The following EPHB1 variants were observed in gnomAD, a reference collection of about 807,000 sequenced individuals.
The protein encoded by EPHB1 is ephrin type-B receptor 1.
EPHB1 carries 30 observed loss-of-function variants against 94.4 expected under a neutral mutation model. That is an observed-to-expected ratio of 0.32 (90% CI 0.24 to 0.43). The LOEUF (loss-of-function observed/expected upper bound fraction) is 0.43, where lower values mean the gene tolerates loss of function less well. Ranked by LOEUF, EPHB1 falls within the 20% of genes least tolerant of loss-of-function variation. The pLI is 1.00. For missense variants in EPHB1, 1,055 were observed against 1,308.3 expected (o/e 0.81, Z 2.99); for synonymous variants, 522 against 489.1 (o/e 1.07, Z -0.89).
At chr3:135,232,310 C>T (rs1318702940) in intron 12 of EPHB1, among the ~76,000 whole-genome samples, 1 of 152,234 alleles carries the variant, frequency 6.6e-6, no homozygotes, top group Non-Finnish European at 1.5e-5. Flanking sequence ...CACTTTAGAG[C>T]AGTGCAGTAG....
At position 135,260,089 on chromosome 3, in the gene EPHB1, G is replaced by T. The variant is rs1362462473; in HGVS notation, c.*969G>T. 4.3e-6 allele frequency: 1 copy of T among 233,024 alleles called. No homozygotes were observed. Among genetic ancestry groups the T allele is most frequent in the Non-Finnish European group, 8.5e-6 (1 of 117,698 alleles). 14.4% of individuals were successfully genotyped at this position (233,024 alleles called of 1,614,324 possible). On this transcript the variant is annotated 3_prime_UTR_variant, in exon 16 of 16. Transcript: ENST00000398015. ...AAATTCAGACAGGAAACAGGTGAGT[G>T]GTTTGAATTGGATGCAGTGTGGGCC...
Position 135,106,610 on chromosome 3 carries a change from G to A in EPHB1, c.961+7G>A, listed in dbSNP as rs1173879004. The A allele has an allele frequency of 1.2e-6, 2 of 1,613,836 alleles. No homozygotes were observed. Reference sequence around the variant, plus strand: ...CCAGAAGTGGCATGCACTAGTAAGTGTCTAGTAATGGCTCTGGGCTGGGGA... The same window carrying A: ...CCAGAAGTGGCATGCACTAGTAAGTATCTAGTAATGGCTCTGGGCTGGGGA... On this transcript the variant is annotated splice_region_variant and intron_variant, in intron 4 of 15. Transcript: ENST00000398015.
chr3:134,865,436 TCA>T, intron 1 of EPHB1, among the ~76,000 whole-genome samples: 1 of 152,258 alleles, frequency 6.6e-6, no homozygotes, highest in East Asian at 1.9e-4. Flanking sequence ...GCAATATCTA[TCA>T]AATTTACAAA....
In EPHB1 at chr3:135,259,837, C is replaced by G. The variant is rs960396588; in HGVS notation, c.*717C>G. 4.5e-6 allele frequency: 1 copy of G among 223,494 alleles called. No homozygotes were observed. Among genetic ancestry groups the G allele is most frequent in the Non-Finnish European group, 9.0e-6 (1 of 111,676 alleles). 13.8% of individuals were successfully genotyped at this position (223,494 alleles called of 1,614,324 possible). ...AAAAAAAAAGAAGAAAAACCTGTTTCCGTGTGCAAAAGCACACATATGTAT... is the reference window on the plus strand; with the variant it reads ...AAAAAAAAAGAAGAAAAACCTGTTTGCGTGTGCAAAAGCACACATATGTAT... On this transcript the variant is annotated 3_prime_UTR_variant, in exon 16 of 16. Transcript: ENST00000398015.
chr3:135,003,037 T>C (rs1935243869), intron 3 of EPHB1, among the ~76,000 whole-genome samples: 2 of 152,250 alleles, frequency 1.3e-5, no homozygotes, highest in Admixed American at 1.3e-4. Context: ...TCTAGCTCTT[T>C]TAATTGTGAT....
intron 1 of EPHB1, among the ~76,000 whole-genome samples, chr3:134,874,212 T>C (rs2037566754): frequency 6.6e-6 from 1 of 152,240 alleles, no homozygotes; most frequent in Non-Finnish European, 1.5e-5. Flanking sequence ...TCATGTCCTT[T>C]GTAGGGACAT....
intron 3 of EPHB1, among the ~76,000 whole-genome samples, chr3:134,970,600 G>A (rs938888116): frequency 1.3e-5 from 2 of 152,182 alleles, no homozygotes; most frequent in South Asian, 4.1e-4. Context: ...GTGTATGTGT[G>A]TGTGTATGTA....
At chr3:135,011,402 C>G (rs1935616108) in intron 3 of EPHB1, among the ~76,000 whole-genome samples, 1 of 152,146 alleles carries the variant, frequency 6.6e-6, no homozygotes, top group Admixed American at 6.5e-5. Context: ...ATGGCAGTTC[C>G]AAGACTTTAA....
intron 1 of EPHB1, among the ~76,000 whole-genome samples, chr3:134,822,610 A>C (rs1042835925): frequency 6.6e-6 from 1 of 152,076 alleles, no homozygotes; most frequent in Admixed American, 6.5e-5. Flanking sequence ...AGCAAAGACC[A>C]CTCCAAGCCC....
chr3:134,925,079 C>T (rs2038763028), intron 1 of EPHB1, among the ~76,000 whole-genome samples: 1 of 152,220 alleles, frequency 6.6e-6, no homozygotes, highest in African/African-American at 2.4e-5. Context: ...CCTGACGGCT[C>T]CTAGGAGCTC....
At chr3:135,215,042 C>T (rs1163993053) in intron 12 of EPHB1, among the ~76,000 whole-genome samples, 2 of 152,204 alleles carry the variant, frequency 1.3e-5, no homozygotes, top group East Asian at 1.9e-4. Context: ...CATGCTAGGA[C>T]AAGTTCCGTC....
chr3:135,035,573 G>A (rs1454715000), intron 3 of EPHB1, among the ~76,000 whole-genome samples: 2 of 152,246 alleles, frequency 1.3e-5, no homozygotes, highest in East Asian at 3.9e-4. Flanking sequence ...CTGAAATCTA[G>A]CGTGTTCTGT....
At chr3:135,004,163 A>G (rs1243563720) in intron 3 of EPHB1, among the ~76,000 whole-genome samples, 1 of 151,506 alleles carries the variant, frequency 6.6e-6, no homozygotes, top group Non-Finnish European at 1.5e-5. Flanking sequence ...GGTGGTGACA[A>G]AATCTCTCAG....
chr3:135,253,646 T>G (rs1416791001), intron 15 of EPHB1, among the ~76,000 whole-genome samples: 21 of 145,406 alleles, frequency 1.4e-4, no homozygotes, highest in African/African-American at 5.4e-4. Flanking sequence ...TCAGGTAGTG[T>G]GATGCCTCCA....
chr3:134,814,008 C>G (rs2036222546), intron 1 of EPHB1, among the ~76,000 whole-genome samples: 1 of 152,180 alleles, frequency 6.6e-6, no homozygotes, highest in Non-Finnish European at 1.5e-5. Flanking sequence ...TGAGGGCCCC[C>G]AGAGTCTACC....
chr3:135,135,829 C>G (rs997867761), intron 5 of EPHB1, among the ~76,000 whole-genome samples: 8 of 152,144 alleles, frequency 5.3e-5, no homozygotes, highest in African/African-American at 1.9e-4. Context: ...TCTGGAACTG[C>G]CCAAACTGTG....
At chr3:135,245,688 C>T (rs998849147) in intron 13 of EPHB1, among the ~76,000 whole-genome samples, 51 of 151,736 alleles carry the variant, frequency 3.4e-4, no homozygotes, top group African/African-American at 1.2e-3. Flanking sequence ...TGCCTGTAGT[C>T]CCAGCTACTC....
In EPHB1 at chr3:134,812,922, A is replaced by AT. The variant is rs1409455938; in HGVS notation, c.58+17241dup. 1.2e-4 allele frequency among the ~76,000 whole-genome samples: 18 copies of AT among 151,938 alleles called. No individual in the cohort carries two copies. The East Asian group carries it at 2.1e-3, about 18-fold the overall frequency. Reference sequence around the variant, plus strand: ...GAAATGGATGTTTAGATATTTGTCCATTTTTTTTGTTGGGTTTTCTGTTTT... The same window carrying AT: ...GAAATGGATGTTTAGATATTTGTCCATTTTTTTTTGTTGGGTTTTCTGTTTT... On this transcript the variant is annotated intron_variant, in intron 1 of 15. Transcript: ENST00000398015.
At chr3:134,837,899 C>T (rs2036703196) in intron 1 of EPHB1, among the ~76,000 whole-genome samples, 2 of 152,240 alleles carry the variant, frequency 1.3e-5, no homozygotes, top group Non-Finnish European at 2.9e-5. Flanking sequence ...GTCATACCTC[C>T]TGTCTCTGAC....
Sources: allele counts gnomAD v4.1 joint callset (sites outside exome capture counted in the v4.1 genomes callset), GRCh38; gene constraint gnomAD v4.1.1; transcripts MANE v1.5; gene names NCBI Gene and HGNC (gene_info 2026-07-23, HGNC 2026-07-21).